PAK6: variants seen among roughly 807,000 people sequenced by gnomAD.
The protein encoded by PAK6 is p21 (RAC1) activated kinase 6.
In PAK6, 33 loss-of-function variants were observed where a neutral mutation model predicts 60.8. The observed-to-expected ratio is 0.54, with a 90% CI of 0.41 to 0.73. The LOEUF (loss-of-function observed/expected upper bound fraction) is 0.73, where lower values mean the gene tolerates loss of function less well. PAK6 is among the 30% of genes least tolerant of loss of function. PAK6 has a pLI of 0.00. For missense variants in PAK6, 845 were observed against 904.1 expected (o/e 0.93, Z 0.84); for synonymous variants, 404 against 378.5 (o/e 1.07, Z -0.78).
At chr15:40,254,335 G>A (rs1338328410) in intron 3 of PAK6, among the ~76,000 whole-genome samples, 1 of 152,176 alleles carries the variant, frequency 6.6e-6, no homozygotes, top group East Asian at 1.9e-4. Flanking sequence ...CAGTCTGGCT[G>A]TTTGGCAAGC....
exon 10 of PAK6, chr15:40,274,253 C>T (rs1407997977): frequency 6.2e-7 from 1 of 1,609,648 alleles, no homozygotes. Context: ...CAGCCCCCCA[C>T]CCAAGCTGAA....
chr15:40,276,181 C>T, exon 11 of PAK6: 1 of 1,229,162 alleles, frequency 8.1e-7, no homozygotes, highest in Admixed American at 1.8e-5. Flanking sequence ...CTGCCTCCTC[C>T]TCTCAGTATT....
chr15:40,243,011 G>A (rs865997717), intron 2 of PAK6, among the ~76,000 whole-genome samples: 10 of 152,172 alleles, frequency 6.6e-5, no homozygotes, highest in East Asian at 1.9e-4. Flanking sequence ...GGGGCCAACC[G>A]CGCCAGAAAC....
rs778995699 is a variant in PAK6, at chr15:40,265,960, G to A, written c.323G>A (p.Arg108Gln). The change falls in exon 5 of 11, where the codon CGG (arginine) becomes CAG (glutamine). Residue 108 changes from arginine (R) to glutamine (Q), a missense_variant. Physicochemically the swap from Arg to Gln is conservative, Grantham distance 43 (BLOSUM62 1). Transcript: ENST00000560346. ...CTGCGTGGCCGCAGCCCCACCAGCC[G>A]GCGGCGGGCACAGTCCCTGGGGCTG... is the stretch of plus-strand genomic sequence containing the variant. The A allele has an allele frequency of 4.9e-5, 79 of 1,605,220 alleles. 1 individual carries two copies. Among genetic ancestry groups the A allele is most frequent in the South Asian group, 4.7e-4 (42 of 90,116 alleles).
At chr15:40,241,823 C>CA (rs1339224860) in intron 2 of PAK6, among the ~76,000 whole-genome samples, 1 of 152,210 alleles carries the variant, frequency 6.6e-6, no homozygotes, top group Non-Finnish European at 1.5e-5. Flanking sequence ...TAAGGATGAC[C>CA]AAAAAGTCCC....
At chr15:40,248,509 G>A (rs1309262608) in intron 2 of PAK6, among the ~76,000 whole-genome samples, 2 of 152,216 alleles carry the variant, frequency 1.3e-5, no homozygotes, top group Non-Finnish European at 2.9e-5. Flanking sequence ...CTGCTTGAGG[G>A]CCTGAGGCGA....
chr15:40,272,575 C>T (rs767701022), exon 6 of PAK6: 26 of 1,613,224 alleles, frequency 1.6e-5, no homozygotes, highest in East Asian at 1.3e-4. Flanking sequence ...GGGTGACCCC[C>T]GGCTGCTGCT....
intron 5 of PAK6, among the ~76,000 whole-genome samples, chr15:40,271,985 G>T (rs956931346): frequency 1.3e-5 from 2 of 152,208 alleles, no homozygotes; most frequent in Non-Finnish European, 2.9e-5. Context: ...CAGAGCGAGT[G>T]TAAGGAGCTG....
At chr15:40,276,834 C>G (rs547541205) in exon 11 of PAK6, 1 of 152,132 alleles carries the variant, frequency 6.6e-6, no homozygotes, top group East Asian at 1.9e-4. Context: ...CTCCAGGTCA[C>G]CCACAGCCAG....
At chr15:40,244,282 G>A (rs2038437232) in intron 2 of PAK6, among the ~76,000 whole-genome samples, 1 of 149,456 alleles carries the variant, frequency 6.7e-6, no homozygotes, top group South Asian at 2.1e-4. Flanking sequence ...AGTGAGCTGG[G>A]ATCGTGCCAC....
chr15:40,256,389 C>G (rs1342277715), intron 3 of PAK6, among the ~76,000 whole-genome samples: 1 of 152,148 alleles, frequency 6.6e-6, no homozygotes, highest in Non-Finnish European at 1.5e-5. Context: ...TGTGGGATGA[C>G]AGTTCCCAAA....
intron 5 of PAK6, among the ~76,000 whole-genome samples, chr15:40,270,396 C>T (rs2039268007): frequency 6.6e-6 from 1 of 152,124 alleles, no homozygotes; most frequent in Non-Finnish European, 1.5e-5. Context: ...GCAGTCTCTG[C>T]TCTAGGCTCC....
chr15:40,265,803 TG>T, intron 4 of PAK6, 38 bp from the exon 5 acceptor site: 1 of 1,492,076 alleles, frequency 6.7e-7, no homozygotes. Flanking sequence ...CTGCCACAAT[TG>T]GGCAGCTCCC....
At chr15:40,266,865 C>G (rs573137169) in intron 5 of PAK6, 68 of 204,678 alleles carry the variant, frequency 3.3e-4, no homozygotes, top group African/African-American at 1.5e-3. Context: ...GTGAAGGGAG[C>G]CCCCGTGGTG....
At chr15:40,255,820 G>A (rs572204540) in intron 3 of PAK6, among the ~76,000 whole-genome samples, 220 of 152,272 alleles carry the variant, frequency 1.4e-3, no homozygotes, top group African/African-American at 5.0e-3. Context: ...CAGAGTGCGG[G>A]CAGCCTCCTG....
intron 2 of PAK6, among the ~76,000 whole-genome samples, chr15:40,241,852 T>C (rs760017881): frequency 2.0e-5 from 3 of 152,210 alleles, no homozygotes; most frequent in Non-Finnish European, 4.4e-5. Flanking sequence ...GAGGAGCACA[T>C]GTGCTCAGAG....
chr15:40,275,213 T>C (rs1039362374), intron 10 of PAK6, among the ~76,000 whole-genome samples: 2 of 151,796 alleles, frequency 1.3e-5, no homozygotes, highest in African/African-American at 4.8e-5. Flanking sequence ...CCTTTTCAGG[T>C]CTCACTTTAT....
At chr15:40,275,290 T>TTTTTG (rs1024786029) in intron 10 of PAK6, among the ~76,000 whole-genome samples, 2 of 112,418 alleles carry the variant, frequency 1.8e-5, no homozygotes, top group African/African-American at 7.0e-5. Context: ...GTTTTTTTTT[T>TTTTTG]TTTTTTTTTT....
At chr15:40,272,972 C>A (rs1198700247) in exon 7 of PAK6, 6 of 1,613,770 alleles carry the variant, frequency 3.7e-6, no homozygotes, top group African/African-American at 2.7e-5. Flanking sequence ...CAGGGAGGAG[C>A]CCTCACAGAC....
Sources: allele counts gnomAD v4.1 joint callset (sites outside exome capture counted in the v4.1 genomes callset), GRCh38; gene constraint gnomAD v4.1.1; transcripts MANE v1.5; gene names NCBI Gene and HGNC (gene_info 2026-07-23, HGNC 2026-07-21).